Variants in GALNTL6 observed in about 807,000 individuals in gnomAD.
GALNTL6 encodes the protein polypeptide N-acetylgalactosaminyltransferase like 6, also known as polypeptide N-acetylgalactosaminyltransferase-like 6.
A neutral mutation model predicts 73.7 loss-of-function variants in GALNTL6; 46 were observed. The ratio of observed to expected loss-of-function variants is 0.62; its 90% CI spans 0.49 to 0.80. The LOEUF (loss-of-function observed/expected upper bound fraction) is 0.80. GALNTL6 is among the 30% of genes least tolerant of loss of function. The pLI is 0.00. For synonymous variants in GALNTL6, 259 were observed against 263.7 expected, an observed-to-expected ratio of 0.98 and a Z score of 0.17; for missense variants, 604 against 755.0, an observed-to-expected ratio of 0.80 and a Z score of 2.34.
At chr4:172,688,519 CA>C (rs1733066889) in intron 5 of GALNTL6, among the ~76,000 whole-genome samples, 1 of 152,190 alleles carries the variant, frequency 6.6e-6, no homozygotes. Context: ...ACCTTCTGAA[CA>C]ACCCAAAAAT....
chr4:172,729,582 C>T (rs1319711092), intron 5 of GALNTL6, among the ~76,000 whole-genome samples: 2 of 152,086 alleles, frequency 1.3e-5, no homozygotes, highest in East Asian at 3.9e-4. Context: ...TATTCTGTTC[C>T]ATTGGTCCCT....
intron 2 of GALNTL6, among the ~76,000 whole-genome samples, chr4:171,867,985 G>C (rs1384348352): frequency 1.6e-5 from 2 of 126,564 alleles, no homozygotes; most frequent in Admixed American, 9.8e-5. Context: ...TTAATTTTGA[G>C]GTGCTTTTTT....
At chr4:172,524,524 A>G (rs1261993805) in intron 5 of GALNTL6, among the ~76,000 whole-genome samples, 1 of 152,188 alleles carries the variant, frequency 6.6e-6, no homozygotes, top group Non-Finnish European at 1.5e-5. Context: ...CATGAATACA[A>G]CGCAACTTAG....
At position 172,876,658 on chromosome 4, in the gene GALNTL6, C is replaced by A. The variant is rs79368421; in HGVS notation, c.924-6132C>A. Among the ~76,000 whole-genome samples, 708 of 152,210 alleles carry A rather than the reference C, an allele frequency of 4.7e-3. 7 individuals are homozygous for A. The highest frequency in any genetic ancestry group is 0.014 in the African/African-American group (601 of 41,502). ...ATAGTCCTCTCTTATCCCCATAGAA[C>A]CTCGTGACACCATAAAAAGTAAACA... On this transcript the variant is annotated intron_variant, in intron 7 of 12. Coordinates refer to ENST00000506823, the MANE Select transcript of GALNTL6 (RefSeq NM_001034845.3).
intron 2 of GALNTL6, among the ~76,000 whole-genome samples, chr4:172,041,392 G>A (rs529320595): frequency 1.3e-5 from 2 of 152,174 alleles, no homozygotes; most frequent in East Asian, 3.9e-4. Flanking sequence ...ATCTAATGCA[G>A]TCATTGAGAA....
chr4:172,805,257 T>C (rs1740887918), intron 5 of GALNTL6, among the ~76,000 whole-genome samples: 1 of 152,182 alleles, frequency 6.6e-6, no homozygotes, highest in South Asian at 2.1e-4. Flanking sequence ...TTTAGTTGCT[T>C]CCCTAAACAC....
intron 8 of GALNTL6, among the ~76,000 whole-genome samples, chr4:172,907,606 C>A (rs1194094156): frequency 1.3e-5 from 2 of 152,162 alleles, no homozygotes; most frequent in Non-Finnish European, 2.9e-5. Flanking sequence ...TTCCAAGACC[C>A]CAAATGGATG....
chr4:172,686,534 A>G (rs1444897089), intron 5 of GALNTL6, among the ~76,000 whole-genome samples: 1 of 152,244 alleles, frequency 6.6e-6, no homozygotes, highest in Non-Finnish European at 1.5e-5. Context: ...ATATGATTCT[A>G]TTCATAAAAC....
chr4:172,817,413 C>A (rs1368519214), intron 7 of GALNTL6, among the ~76,000 whole-genome samples: 2 of 151,366 alleles, frequency 1.3e-5, no homozygotes, highest in Non-Finnish European at 2.9e-5. Flanking sequence ...CTGGGTGAGA[C>A]CCTATTGCAA....
chr4:171,847,709 A>ACT (rs1057006599), intron 2 of GALNTL6, among the ~76,000 whole-genome samples: 9 of 152,074 alleles, frequency 5.9e-5, no homozygotes, highest in African/African-American at 2.2e-4. Flanking sequence ...CAAAAGAAAC[A>ACT]CTCTCTCTCT....
chr4:172,739,227 A>G (rs371754073), intron 5 of GALNTL6, among the ~76,000 whole-genome samples: 6 of 152,180 alleles, frequency 3.9e-5, no homozygotes, highest in African/African-American at 1.2e-4. Flanking sequence ...TATGTAGCCC[A>G]TATTGTATAT....
chr4:172,263,433 G>T (rs982223514), intron 3 of GALNTL6, among the ~76,000 whole-genome samples: 4 of 151,278 alleles, frequency 2.6e-5, no homozygotes, highest in African/African-American at 9.7e-5. Flanking sequence ...AGTGCAGTTT[G>T]CATTTTTCTA....
chr4:172,214,689 A>T (rs559988916), intron 2 of GALNTL6, among the ~76,000 whole-genome samples: 73 of 151,770 alleles, frequency 4.8e-4, no homozygotes, highest in African/African-American at 1.7e-3. Context: ...TAATTTTTGT[A>T]TTTTTAGTAG....
At chr4:172,380,962 A>C (rs1256001957) in intron 5 of GALNTL6, among the ~76,000 whole-genome samples, 1 of 152,196 alleles carries the variant, frequency 6.6e-6, no homozygotes, top group East Asian at 1.9e-4. Flanking sequence ...TAATCTGATA[A>C]ATCTGAATGT....
At chr4:172,754,466 G>T (rs1034724843) in intron 5 of GALNTL6, among the ~76,000 whole-genome samples, 1 of 152,122 alleles carries the variant, frequency 6.6e-6, no homozygotes, top group Non-Finnish European at 1.5e-5. Context: ...CAGCTACTGA[G>T]GAGGCTGAGG....
At chr4:171,948,690 G>A (rs991130348) in intron 2 of GALNTL6, among the ~76,000 whole-genome samples, 5 of 151,866 alleles carry the variant, frequency 3.3e-5, no homozygotes, top group African/African-American at 9.7e-5. Context: ...TTATATTAAC[G>A]CAATAATATT....
At chr4:171,940,769 GATTGCGCCAC>G (rs1179263326) in intron 2 of GALNTL6, among the ~76,000 whole-genome samples, 4 of 151,542 alleles carry the variant, frequency 2.6e-5, no homozygotes, top group African/African-American at 9.7e-5. Context: ...AGTGAGCCGG[GATTGCGCCAC>G]TGCACTCCAG....
chr4:172,884,822 T>G (rs1381784672), intron 8 of GALNTL6, among the ~76,000 whole-genome samples: 1 of 152,216 alleles, frequency 6.6e-6, no homozygotes, highest in Admixed American at 6.5e-5. Context: ...AGATCTAATT[T>G]CATTTTTCTT....
At chr4:171,969,615 T>C (rs1739499799) in intron 2 of GALNTL6, among the ~76,000 whole-genome samples, 1 of 152,206 alleles carries the variant, frequency 6.6e-6, no homozygotes, top group African/African-American at 2.4e-5. Context: ...AACCTTTTAT[T>C]TATACAAAGA....
Sources: allele counts gnomAD v4.1 joint callset (sites outside exome capture counted in the v4.1 genomes callset), GRCh38; gene constraint gnomAD v4.1.1; transcripts MANE v1.5; gene names NCBI Gene and HGNC (gene_info 2026-07-23, HGNC 2026-07-21).